The following IGBP1C variants were observed in gnomAD, a reference collection of about 807,000 sequenced individuals.
IGBP1C encodes the protein IGBP1 family member C, also known as immunoglobulin-binding protein 1 family member C.
At chr17:58,687,669 TA>T in the IGBP1C span, among the ~76,000 whole-genome samples, 136 of 147,876 alleles carry the variant, frequency 9.2e-4, no homozygotes, top group Non-Finnish European at 1.5e-3. Context: ...GTTCTTAGGC[TA>T]AAAAAAAAAT....
At chr17:58,672,559 G>A in the IGBP1C span, among the ~76,000 whole-genome samples, 2 of 152,220 alleles carry the variant, frequency 1.3e-5, no homozygotes, top group South Asian at 2.1e-4. Flanking sequence ...TCAGCCTCCC[G>A]AGTAGCTGGG....
At chr17:58,670,771 T>TCAAAAAAAAAAAAAAAAAAAAAAAAA in the IGBP1C span, among the ~76,000 whole-genome samples, 2 of 7,956 alleles carry the variant, frequency 2.5e-4, 1 homozygote, top group Non-Finnish European at 4.5e-4. Context: ...AGACTCCCTC[T>TCAAAAAAAAAAAAAAAAAAAAAAAAA]TAAAAAAAAA....
At chr17:58,682,761 G>A in the IGBP1C span, among the ~76,000 whole-genome samples, 1 of 152,154 alleles carries the variant, frequency 6.6e-6, no homozygotes, top group South Asian at 2.1e-4. Context: ...TATTGGCCTA[G>A]TTATCAAAAT....
the IGBP1C span, chr17:58,661,285 C>CT: frequency 1.2e-6 from 1 of 808,642 alleles, no homozygotes; most frequent in Non-Finnish European, 2.3e-6. Flanking sequence ...CGCGAGCCTG[C>CT]TGCAAATGAT....
At chr17:58,673,543 C>T in the IGBP1C span, among the ~76,000 whole-genome samples, 1 of 150,464 alleles carries the variant, frequency 6.6e-6, no homozygotes, top group Middle Eastern at 3.4e-3. Flanking sequence ...ACTTATTTTT[C>T]TCTCTCCTTT....
At chr17:58,676,949 T>C in the IGBP1C span, among the ~76,000 whole-genome samples, 1 of 151,942 alleles carries the variant, frequency 6.6e-6, no homozygotes, top group East Asian at 1.9e-4. Context: ...AAACCCCGTC[T>C]CTACTAAAAA....
At chr17:58,673,987 C>A in the IGBP1C span, among the ~76,000 whole-genome samples, 2 of 152,098 alleles carry the variant, frequency 1.3e-5, no homozygotes, top group South Asian at 2.1e-4. Context: ...TAAAAGGAAA[C>A]CCTGGGCCGG....
the IGBP1C span, among the ~76,000 whole-genome samples, chr17:58,671,659 G>A: frequency 6.6e-6 from 1 of 152,066 alleles, no homozygotes; most frequent in South Asian, 2.1e-4. Flanking sequence ...GTCCATCCCT[G>A]CCTTTCCTTT....
chr17:58,687,925 AATCT>A, the IGBP1C span, among the ~76,000 whole-genome samples: 1 of 152,140 alleles, frequency 6.6e-6, no homozygotes, highest in Non-Finnish European at 1.5e-5. Context: ...GAGGGCAGAG[AATCT>A]ATCTTGTTTA....
the IGBP1C span, among the ~76,000 whole-genome samples, chr17:58,688,961 C>T: frequency 6.6e-6 from 1 of 152,018 alleles, no homozygotes; most frequent in Non-Finnish European, 1.5e-5. Context: ...GATGGAGTCT[C>T]GCTCTGTCAC....
At chr17:58,684,160 GA>G in the IGBP1C span, among the ~76,000 whole-genome samples, 4 of 147,622 alleles carry the variant, frequency 2.7e-5, no homozygotes, top group Admixed American at 6.8e-5. Context: ...CAACTGGAAA[GA>G]AAAAAAAATG....
the IGBP1C span, among the ~76,000 whole-genome samples, chr17:58,671,819 A>C: frequency 4.6e-5 from 7 of 151,978 alleles, no homozygotes; most frequent in Admixed American, 2.0e-4. Flanking sequence ...AGGTCTACTC[A>C]CTGCCAGAGA....
chr17:58,671,701 G>C, the IGBP1C span, among the ~76,000 whole-genome samples: 54 of 152,150 alleles, frequency 3.5e-4, no homozygotes, highest in Admixed American at 1.2e-3. Context: ...GGTCTCTGTG[G>C]ATTTCTCTTT....
At chr17:58,666,278 G>C in the IGBP1C span, among the ~76,000 whole-genome samples, 1 of 151,748 alleles carries the variant, frequency 6.6e-6, no homozygotes, top group Non-Finnish European at 1.5e-5. Context: ...AACTCGGGAG[G>C]TGGAGGCTGC....
At chr17:58,674,921 G>C in the IGBP1C span, among the ~76,000 whole-genome samples, 2 of 150,668 alleles carry the variant, frequency 1.3e-5, no homozygotes, top group Non-Finnish European at 3.0e-5. Context: ...GAGGGGGGGT[G>C]CATCACTTGA....
chr17:58,688,870 C>A, the IGBP1C span, among the ~76,000 whole-genome samples: 1 of 152,054 alleles, frequency 6.6e-6, no homozygotes, highest in Non-Finnish European at 1.5e-5. Flanking sequence ...TGACCTCATA[C>A]TTTTCTCTTA....
chr17:58,662,415 T>A, the IGBP1C span, among the ~76,000 whole-genome samples: 1,020 of 114,994 alleles, frequency 8.9e-3, 10 homozygotes, highest in Non-Finnish European at 0.015. Context: ...CACACATATC[T>A]CACACACACA....
At chr17:58,675,636 C>G in the IGBP1C span, among the ~76,000 whole-genome samples, 1 of 152,130 alleles carries the variant, frequency 6.6e-6, no homozygotes, top group Non-Finnish European at 1.5e-5. Flanking sequence ...TCTCCCTTCC[C>G]CAGACAGACT....
the IGBP1C span, among the ~76,000 whole-genome samples, chr17:58,674,168 C>T: frequency 7.1e-4 from 108 of 151,846 alleles, no homozygotes; most frequent in Non-Finnish European, 1.2e-3. Context: ...CCCAGCTACT[C>T]GGGAGGCTAA....
Sources: gnomAD v4.1 joint callset for allele counts (sites outside exome capture counted in the v4.1 genomes callset) on GRCh38, gnomAD v4.1.1 for gene constraint, MANE v1.5 for transcripts, NCBI Gene and HGNC (gene_info 2026-07-23, HGNC 2026-07-21) for gene names.